The following C20orf96 variants were observed in gnomAD, a reference collection of about 807,000 sequenced individuals.
C20orf96 encodes the protein chromosome 20 open reading frame 96.
C20orf96 carries 57 observed loss-of-function variants against 52.6 expected under a neutral mutation model. The ratio of observed to expected loss-of-function variants is 1.08; its 90% confidence interval spans 0.88 to 1.35. The LOEUF (loss-of-function observed/expected upper bound fraction) is 1.35, where lower values mean the gene tolerates loss of function less well. Among genes scored for constraint, C20orf96 ranks in the 40% most tolerant of loss-of-function variants. C20orf96 has a pLI of 0.00. For missense variants in C20orf96, 478 were observed against 443.6 expected, an observed-to-expected ratio of 1.08 and a Z score of -0.70; for synonymous variants, 168 against 157.2, an observed-to-expected ratio of 1.07 and a Z score of -0.51.
At chr20:289,196 A>ACC (rs3051821) in intron 3 of C20orf96, among the ~76,000 whole-genome samples, 47,654 of 147,342 alleles carry the variant, frequency 0.32, 8,141 homozygotes, top group East Asian at 0.49. Flanking sequence ...TCAAATCTGG[A>ACC]CCCCCCCCAA....
Position 290,701 on chromosome 20 carries a change from G to T in C20orf96, c.-91C>A. On this transcript the variant is annotated 5_prime_UTR_variant, in exon 1 of 11. Transcript: ENST00000360321. Reference sequence around the variant, plus strand: ...TTTCCAACTTCCTTGTCTCAGTGTAGATCGCGCGGTAACCCAGGCCACTCA... The same window carrying T: ...TTTCCAACTTCCTTGTCTCAGTGTATATCGCGCGGTAACCCAGGCCACTCA... The T allele has an allele frequency of 3.3e-6, 5 of 1,530,580 alleles. No homozygotes were observed. Among genetic ancestry groups the T allele is most frequent in the Non-Finnish European group, 3.6e-6 (4 of 1,116,318 alleles). The allele number at this position is 1,530,580 out of a possible 1,614,324, so 94.8% of individuals were successfully genotyped here. A position where few individuals can be genotyped will look rare whatever the true frequency, so the allele number is the denominator to read the frequency against.
chr20:282,488 G>A (rs2012277445), intron 4 of C20orf96, among the ~76,000 whole-genome samples: 2 of 152,152 alleles, frequency 1.3e-5, no homozygotes, highest in South Asian at 2.1e-4. Flanking sequence ...AACTGGACTG[G>A]TTAGGAGCAC....
chr20:279,147 G>A, intron 5 of C20orf96, 25 bp downstream of exon 5: 1 of 1,559,942 alleles, frequency 6.4e-7, no homozygotes, highest in Non-Finnish European at 8.6e-7. Flanking sequence ...AGGGACGGAG[G>A]GCGGGCGGAT....
At chr20:285,836 A>G (rs1424346839) in intron 3 of C20orf96, among the ~76,000 whole-genome samples, 3 of 152,158 alleles carry the variant, frequency 2.0e-5, no homozygotes, top group Non-Finnish European at 2.9e-5. Context: ...AGCCTCCCAA[A>G]GTGCTGGGAT....
At chr20:278,299 G>GTT in intron 6 of C20orf96, 31 bp downstream of exon 6, 1 of 1,544,272 alleles carries the variant, frequency 6.5e-7, no homozygotes, top group Non-Finnish European at 9.0e-7. Flanking sequence ...TGCCAGGGGG[G>GTT]AGGGTCAAGG....
intron 5 of C20orf96, 72 bp from the exon 6 acceptor site, chr20:278,501 C>T (rs1263609733): frequency 5.2e-6 from 6 of 1,146,492 alleles, no homozygotes; most frequent in Non-Finnish European, 7.9e-6. Flanking sequence ...AGCACTTCCT[C>T]AGAGGAGTCC....
At chr20:271,348 T>C in intron 10 of C20orf96, 81 bp from the exon 11 acceptor site, 1 of 1,167,228 alleles carries the variant, frequency 8.6e-7, no homozygotes, top group Non-Finnish European at 1.2e-6. Context: ...CCCTGCTCTT[T>C]AGAACTCTGG....
At chr20:280,773 G>A (rs2012233808) in intron 4 of C20orf96, among the ~76,000 whole-genome samples, 2 of 152,186 alleles carry the variant, frequency 1.3e-5, no homozygotes, top group South Asian at 4.2e-4. Context: ...AAGAGAATCT[G>A]GGCAAGTTAG....
chr20:276,826 C>T lies in C20orf96; in HGVS notation c.879G>A (p.Gln293=), dbSNP rs1359656352. 1 of 1,613,742 alleles carries T rather than the reference C, an allele frequency of 6.2e-7. No individual in the cohort carries two copies. The highest frequency in any genetic ancestry group is 8.5e-7 in the Non-Finnish European group (1 of 1,179,816). ...EALLQKMWES[Q]DFLKCMQRFR... ...ACCTTTGCATGCATTTCAGGAAGTC[C>T]TGGCTTTCCCACATCTTCTGTAGGA... is the stretch of plus-strand genomic sequence containing the variant. The change falls in exon 9 of 11, where the codon CAG becomes CAA. Residue 293 remains glutamine (Q), a synonymous_variant. Coordinates refer to ENST00000360321, the MANE Select transcript of C20orf96 (RefSeq NM_153269.3).
intron 3 of C20orf96, 118 bp downstream of exon 3, chr20:289,441 G>T (rs1386862505): frequency 4.3e-6 from 3 of 700,676 alleles, no homozygotes; most frequent in Non-Finnish European, 7.8e-6. Context: ...TTGCAATTTG[G>T]GCATTGTTTA....
chr20:271,179 A>T lies in C20orf96; in HGVS notation c.*28T>A, dbSNP rs540120219. 8.0e-5 allele frequency: 124 copies of T among 1,542,322 alleles called. 1 individual carries two copies. In the South Asian group the frequency reaches 1.5e-3, roughly 18 times the overall value. On this transcript the variant is annotated 3_prime_UTR_variant, in exon 11 of 11. Coordinates refer to ENST00000360321, the MANE Select transcript of C20orf96 (RefSeq NM_153269.3). The stretch of plus-strand genomic sequence containing the variant: ...CTCCAGGTGCTGGGAAGAGAGCAGG[A>T]GGGGAGGGCGGCCCATGGCACTGCC...
intron 9 of C20orf96, 147 bp downstream of exon 9, chr20:276,646 A>G (rs2012033539): frequency 2.7e-6 from 4 of 1,466,236 alleles, no homozygotes; most frequent in East Asian, 2.5e-5. Flanking sequence ...AGTGACAGTA[A>G]TGGCACCGGC....
At chr20:277,525 G>A in intron 6 of C20orf96, 142 bp from the exon 7 acceptor site, 9 of 818,886 alleles carry the variant, frequency 1.1e-5, no homozygotes, top group Non-Finnish European at 1.8e-5. Context: ...AGGGCTGGGA[G>A]GTGGTTAAAA....
In C20orf96 at chr20:274,017, G is replaced by C. The variant is rs1427454078; in HGVS notation, c.1031+1951C>G. Among the ~76,000 whole-genome samples, 5 of 147,256 alleles carry C rather than the reference G, an allele frequency of 3.4e-5. No homozygotes were observed. The East Asian group carries it at 1.0e-3, about 30-fold the overall frequency. ...GAGAAAGAAAGAAAGAAAAAGAAAAGAGAGAAAGGAAGGAATGAAGGAAGG... is the reference window on the plus strand; with the variant it reads ...GAGAAAGAAAGAAAGAAAAAGAAAACAGAGAAAGGAAGGAATGAAGGAAGG... On this transcript the variant is annotated intron_variant, in intron 10 of 10. Transcript: ENST00000360321.
At chr20:287,631 A>T (rs188576566) in intron 3 of C20orf96, among the ~76,000 whole-genome samples, 1 of 152,168 alleles carries the variant, frequency 6.6e-6, no homozygotes, top group East Asian at 1.9e-4. Context: ...CATCCTCCTA[A>T]AAAGGTCTTT....
In C20orf96 at chr20:277,041, C is replaced by T. The variant is rs760632477; in HGVS notation, c.825+3G>A. On this transcript the variant is annotated splice_donor_region_variant and intron_variant, in intron 8 of 10. Transcript: ENST00000360321. ...CGCTCCCACACAGCAACTGGCTACTCACCGCCACCACAGAACTCAGAATTT... is the reference window on the plus strand; with the variant it reads ...CGCTCCCACACAGCAACTGGCTACTTACCGCCACCACAGAACTCAGAATTT... 3.1e-6 allele frequency: 5 copies of T among 1,612,382 alleles called. No individual in the cohort carries two copies. The highest frequency in any genetic ancestry group is 1.7e-5 in the Admixed American group (1 of 59,954).
chr20:289,337 G>C (rs2012476167), intron 3 of C20orf96, among the ~76,000 whole-genome samples: 1 of 152,148 alleles, frequency 6.6e-6, no homozygotes, highest in Non-Finnish European at 1.5e-5. Flanking sequence ...AAGGAACCTG[G>C]ATCCCTGAAT....
intron 10 of C20orf96, among the ~76,000 whole-genome samples, chr20:273,491 C>T (rs557162787): frequency 6.6e-6 from 1 of 152,294 alleles, no homozygotes; most frequent in South Asian, 2.1e-4. Flanking sequence ...ATGCCAAGTT[C>T]CTTCCAACCA....
intron 3 of C20orf96, among the ~76,000 whole-genome samples, chr20:287,092 T>C (rs2012406093): frequency 6.6e-6 from 1 of 152,242 alleles, no homozygotes; most frequent in African/African-American, 2.4e-5. Flanking sequence ...GTTTCCAGTT[T>C]TGAGGAATTA....
Sources: gnomAD v4.1 joint callset for allele counts (sites outside exome capture counted in the v4.1 genomes callset) on GRCh38, gnomAD v4.1.1 for gene constraint, MANE v1.5 for transcripts, NCBI Gene and HGNC (gene_info 2026-07-23, HGNC 2026-07-21) for gene names.